The following UBE4A variants were observed in gnomAD, a reference collection of about 807,000 sequenced individuals.
UBE4A encodes the protein ubiquitination factor E4A, also known as ubiquitin conjugation factor E4 A.
Under a neutral mutation model 117.9 loss-of-function variants are expected in UBE4A, and 48 were observed. The ratio of observed to expected loss-of-function variants is 0.41; its 90% CI spans 0.32 to 0.52. UBE4A has a LOEUF of 0.52. UBE4A is among the 20% of genes least tolerant of loss of function. The probability of loss-of-function intolerance (pLI) is 0.33; values close to 1 mark genes in which losing one functional copy is unlikely to be tolerated. For missense variants in UBE4A, 1,067 were observed against 1,296.3 expected (o/e 0.82, Z 2.72); for synonymous variants, 407 against 450.0 (o/e 0.90, Z 1.21).
intron 13 of UBE4A, among the ~76,000 whole-genome samples, chr11:118,383,522 G>A (rs1433612107): frequency 6.6e-6 from 1 of 150,388 alleles, no homozygotes; most frequent in Admixed American, 6.7e-5. Context: ...GAATTCGGGA[G>A]GCAGAGGTGG....
intron 19 of UBE4A, among the ~76,000 whole-genome samples, chr11:118,393,595 G>C (rs1403930776): frequency 6.6e-6 from 1 of 150,910 alleles, no homozygotes; most frequent in Non-Finnish European, 1.5e-5. Flanking sequence ...CACTGTGCCT[G>C]GCCTGTTTTT....
chr11:118,373,726 A>G, intron 8 of UBE4A, 41 bp downstream of exon 8: 1 of 1,575,114 alleles, frequency 6.3e-7, no homozygotes, highest in Non-Finnish European at 8.6e-7. Context: ...CCTGATCTTA[A>G]AAGAGTTTTC....
In UBE4A at chr11:118,375,035, A is replaced by G. The variant is rs377206147; in HGVS notation, c.1256A>G (p.Asn419Ser). The change falls in exon 9 of 20, where the codon AAT (asparagine) becomes AGT (serine). Residue 419 changes from asparagine (N) to serine (S), a missense_variant. This residue lies in a region of UBE4A where 1,001 missense variants were observed against 1,184.0 expected (regional missense o/e 0.85). Coordinates refer to ENST00000252108, the MANE Select transcript of UBE4A (RefSeq NM_001204077.2). ...ANAGRTKIWA[N>S]QMPEIFFQMY... ...GCAGGCCGCACCAAGATTTGGGCCA[A>G]TCAGATGCCAGAAATCTTTTTCCAA... The G allele has an allele frequency of 2.4e-5, 39 of 1,614,060 alleles. No individual in the cohort carries two copies. The African/African-American group carries it at 4.4e-4, about 18-fold the overall frequency.
At chr11:118,374,798 G>T in intron 8 of UBE4A, 98 bp from the exon 9 acceptor site, 1 of 1,133,816 alleles carries the variant, frequency 8.8e-7, no homozygotes. Flanking sequence ...GAAAGATTAG[G>T]ATTAGCATAT....
Position 118,390,706 on chromosome 11 carries a change from T to A in UBE4A, c.2818T>A (p.Ser940Thr). The change falls in exon 18 of 20, where the codon TCC becomes ACC. Residue 940 changes from serine to threonine, a missense_variant. Transcript: ENST00000252108. ...TGTGCCCAAGGATGGACGTTCCTAT[T>A]CCCCAACTCTCTTTGCACAGACAGT... ...ATVPKDGRSY[S>T]PTLFAQTVRV... 6.3e-7 allele frequency: 1 copy of A among 1,576,862 alleles called. No homozygotes were observed. The highest frequency in any genetic ancestry group is 8.6e-7 in the Non-Finnish European group (1 of 1,163,658).
At position 118,384,969 on chromosome 11, in the gene UBE4A, G is replaced by A. The variant is rs1784254; in HGVS notation, c.2412+24G>A. The stretch of plus-strand genomic sequence containing the variant: ...AGGTAAAAAAAAAAAAAAAAAAAAA[G>A]ATTTAACTTCTCCATACCATCAAAT... On this transcript the variant is annotated intron_variant, in intron 15 of 19. Transcript: ENST00000252108. 3.9e-3 allele frequency: 3,834 copies of A among 976,604 alleles called. 20 individuals are homozygous for A. Among genetic ancestry groups the A allele is most frequent in the Non-Finnish European group, 4.3e-3 (2,882 of 663,992 alleles). The allele number at this position is 976,604 out of a possible 1,614,324, so 60.5% of individuals were successfully genotyped here.
chr11:118,390,822 T>C lies in UBE4A; in HGVS notation c.2916+18T>C, dbSNP rs1342580801. ...GAATCAAGGTGAGGAAGAGGAGGAA[T>C]TGTTTGCTGATTTCATTAAGAACCA... On this transcript the variant is annotated intron_variant, in intron 18 of 19. Transcript: ENST00000252108. 30 of 1,608,080 alleles carry C rather than the reference T, an allele frequency of 1.9e-5. No homozygotes were observed. Among genetic ancestry groups the C allele is most frequent in the Non-Finnish European group, 2.4e-5 (28 of 1,176,352 alleles).
rs1185839261 is a variant in UBE4A, at chr11:118,396,970, A to G, written c.*530A>G. 1 of 152,378 alleles carries G rather than the reference A, an allele frequency of 6.6e-6. No individual in the cohort carries two copies. The highest frequency in any genetic ancestry group is 1.5e-5 in the Non-Finnish European group (1 of 68,180). The allele number at this position is 152,378 out of a possible 1,614,324, so 9.4% of individuals were successfully genotyped here. A position where few individuals can be genotyped will look rare whatever the true frequency, so the allele number is the denominator to read the frequency against. On this transcript the variant is annotated 3_prime_UTR_variant, in exon 20 of 20. Transcript: ENST00000252108. ...AGAGTAACTTCACATAAAAGCAGAT[A>G]CCTTTAAGTTTGTGTAGACTTCTGA...
At chr11:118,361,555 GA>G (rs1186107460) in intron 1 of UBE4A, among the ~76,000 whole-genome samples, 2 of 152,122 alleles carry the variant, frequency 1.3e-5, no homozygotes, top group Non-Finnish European at 2.9e-5. Context: ...CTTTTTTAAT[GA>G]AAAAAAGTTT....
chr11:118,394,131 C>T (rs1292002605), intron 19 of UBE4A, among the ~76,000 whole-genome samples: 1 of 152,056 alleles, frequency 6.6e-6, no homozygotes, highest in African/African-American at 2.4e-5. Context: ...GAAATGAGTA[C>T]TGAGAGACTC....
intron 6 of UBE4A, 168 bp downstream of exon 6, chr11:118,372,834 A>C: frequency 1.9e-6 from 2 of 1,064,566 alleles, no homozygotes; most frequent in Non-Finnish European, 2.7e-6. Context: ...AAAGCTGGGC[A>C]TGGTAGCACA....
intron 7 of UBE4A, 75 bp downstream of exon 7, chr11:118,373,363 T>G: frequency 1.3e-6 from 2 of 1,548,184 alleles, no homozygotes; most frequent in Non-Finnish European, 1.8e-6. Context: ...CTGAAGACAC[T>G]ATAATACTAC....
chr11:118,374,656 A>T (rs1555125061), intron 8 of UBE4A, among the ~76,000 whole-genome samples: 1 of 152,248 alleles, frequency 6.6e-6, no homozygotes, highest in Non-Finnish European at 1.5e-5. Flanking sequence ...CTTTGCAGAA[A>T]AAATTTACAG....
chr11:118,371,815 A>AATTTAT (rs1408914576), intron 5 of UBE4A, 149 bp downstream of exon 5: 2 of 789,570 alleles, frequency 2.5e-6, no homozygotes, highest in Non-Finnish European at 3.7e-6. Context: ...CTTTTATATC[A>AATTTAT]ATTTATATAT....
intron 13 of UBE4A, among the ~76,000 whole-genome samples, chr11:118,383,588 CAAAAAA>C (rs11375309): frequency 1.5e-4 from 8 of 54,222 alleles, no homozygotes; most frequent in Non-Finnish European, 2.5e-4. Context: ...AAATCCCTCT[CAAAAAA>C]AAAAAAAAAA....
Position 118,384,641 on chromosome 11 carries a change from C to G in UBE4A, c.2204C>G (p.Pro735Arg). 1 of 1,613,950 alleles carries G rather than the reference C, an allele frequency of 6.2e-7. No homozygotes were observed. Among genetic ancestry groups the G allele is most frequent in the Non-Finnish European group, 8.5e-7 (1 of 1,179,946 alleles). Reference protein sequence around the residue: ...VFVDIEFTGDPHQFEQKFNYR... With the variant: ...VFVDIEFTGDRHQFEQKFNYR... ...CGCTCTTGCCTTACTCCAGGAGACCCCCATCAATTTGAACAGAAGTTTAAT... is the reference window on the plus strand; with the variant it reads ...CGCTCTTGCCTTACTCCAGGAGACCGCCATCAATTTGAACAGAAGTTTAAT... Residue 735 changes from proline (P) to arginine (R), a missense_variant, in exon 14 of 20, where the codon CCC becomes CGC. Transcript: ENST00000252108.
intron 2 of UBE4A, among the ~76,000 whole-genome samples, chr11:118,366,996 G>A (rs575815316): frequency 9.2e-5 from 14 of 152,304 alleles, no homozygotes; most frequent in Non-Finnish European, 1.5e-4. Flanking sequence ...CTGAGGTCAG[G>A]AGTTTGAGAC....
chr11:118,372,944 A>G (rs1591297604), intron 6 of UBE4A, 142 bp from the exon 7 acceptor site: 2 of 853,056 alleles, frequency 2.3e-6, no homozygotes, highest in Non-Finnish European at 3.5e-6. Flanking sequence ...GTGAATAGCC[A>G]CTACACTCCA....
chr11:118,381,636 T>C (rs1388892720), intron 12 of UBE4A, 113 bp downstream of exon 12: 6 of 1,409,828 alleles, frequency 4.3e-6, no homozygotes, highest in East Asian at 4.6e-5. Context: ...TCAGAAGTTA[T>C]GGTAACATTA....
Sources: gnomAD v4.1 joint callset for allele counts (sites outside exome capture counted in the v4.1 genomes callset) on GRCh38, gnomAD v4.1.1 for gene constraint, gnomAD v4.1.1 regional missense constraint, MANE v1.5 for transcripts, NCBI Gene and HGNC (gene_info 2026-07-23, HGNC 2026-07-21) for gene names.